Variants in NOS1AP observed in about 807,000 individuals in gnomAD.
The protein encoded by NOS1AP is nitric oxide synthase 1 adaptor protein, also known as carboxyl-terminal PDZ ligand of neuronal nitric oxide synthase protein.
NOS1AP carries 21 observed loss-of-function variants against 56.2 expected under a neutral mutation model. That is an observed-to-expected ratio of 0.37 (90% confidence interval 0.26 to 0.54). The LOEUF (loss-of-function observed/expected upper bound fraction) is 0.54. Among genes scored for constraint, NOS1AP ranks in the 20% least tolerant of loss-of-function variants. The pLI, the probability that NOS1AP is intolerant of heterozygous loss-of-function variation, is 0.84. For missense variants in NOS1AP, 522 were observed against 657.8 expected, an observed-to-expected ratio of 0.79 and a Z score of 2.26; for synonymous variants, 270 against 274.6, an observed-to-expected ratio of 0.98 and a Z score of 0.17.
chr1:162,288,144 G>A (rs1379127996), intron 3 of NOS1AP, among the ~76,000 whole-genome samples: 2 of 152,208 alleles, frequency 1.3e-5, no homozygotes, highest in East Asian at 1.9e-4. Flanking sequence ...TTCGTATGGT[G>A]GGAGGATGGG....
At chr1:162,240,431 C>G (rs771400186) in intron 2 of NOS1AP, among the ~76,000 whole-genome samples, 3 of 152,222 alleles carry the variant, frequency 2.0e-5, no homozygotes, top group Non-Finnish European at 2.9e-5. Flanking sequence ...CAAGCCCAGG[C>G]AAGCTCAGCA....
At chr1:162,243,081 C>G (rs1653541509) in intron 2 of NOS1AP, among the ~76,000 whole-genome samples, 3 of 152,192 alleles carry the variant, frequency 2.0e-5, no homozygotes, top group Admixed American at 6.5e-5. Flanking sequence ...CTACTGTTCT[C>G]AGTCTTCAAG....
intron 4 of NOS1AP, among the ~76,000 whole-genome samples, chr1:162,327,712 T>C (rs1191978740): frequency 4.6e-5 from 7 of 152,198 alleles, no homozygotes; most frequent in Non-Finnish European, 8.8e-5. Flanking sequence ...AAAAACATGA[T>C]CAGAGATGCT....
At chr1:162,139,037 A>C (rs1265365251) in intron 1 of NOS1AP, among the ~76,000 whole-genome samples, 1 of 152,302 alleles carries the variant, frequency 6.6e-6, no homozygotes, top group East Asian at 1.9e-4. Flanking sequence ...ACACCTGAGT[A>C]ACAAACCTCA....
chr1:162,294,147 A>G (rs532523338), intron 3 of NOS1AP, among the ~76,000 whole-genome samples: 1 of 147,974 alleles, frequency 6.8e-6, no homozygotes, highest in African/African-American at 2.6e-5. Context: ...AGTGCAAGAG[A>G]GAGGGGAAGA....
At chr1:162,346,427 T>C (rs1657296893) in intron 6 of NOS1AP, among the ~76,000 whole-genome samples, 1 of 143,330 alleles carries the variant, frequency 7.0e-6, no homozygotes, top group Non-Finnish European at 1.5e-5. Flanking sequence ...AAAGTCAAAG[T>C]TTAGAATTGT....
chr1:162,081,772 A>ATTTTTTTTTTTT (rs1457192130), intron 1 of NOS1AP, among the ~76,000 whole-genome samples: 1 of 29,980 alleles, frequency 3.3e-5, no homozygotes, highest in Non-Finnish European at 7.7e-5. Context: ...ATATATATAT[A>ATTTTTTTTTTTT]TATTTTTTTT....
chr1:162,105,721 C>G (rs768766666), intron 1 of NOS1AP, among the ~76,000 whole-genome samples: 2 of 152,224 alleles, frequency 1.3e-5, no homozygotes, highest in African/African-American at 2.4e-5. Flanking sequence ...GGGGAACCCT[C>G]CTTCTCTGGA....
chr1:162,215,204 A>T (rs1203832366), intron 2 of NOS1AP, among the ~76,000 whole-genome samples: 1 of 152,074 alleles, frequency 6.6e-6, no homozygotes, highest in African/African-American at 2.4e-5. Flanking sequence ...TGCCCTGAGC[A>T]CCCCTAGCCT....
At chr1:162,264,422 TCCC>T (rs1320411776) in intron 2 of NOS1AP, among the ~76,000 whole-genome samples, 1 of 2,722 alleles carries the variant, frequency 3.7e-4, no homozygotes, top group Non-Finnish European at 2.0e-3. Flanking sequence ...TCCCTTCTCT[TCCC>T]TTCTCTTCTC....
chr1:162,294,497 G>A (rs972601501), intron 3 of NOS1AP, among the ~76,000 whole-genome samples: 1 of 152,162 alleles, frequency 6.6e-6, no homozygotes, highest in Non-Finnish European at 1.5e-5. Flanking sequence ...GAGGTCTGTG[G>A]TGTACACTCT....
At chr1:162,258,828 A>G (rs1246794711) in intron 2 of NOS1AP, among the ~76,000 whole-genome samples, 1 of 152,196 alleles carries the variant, frequency 6.6e-6, no homozygotes, top group African/African-American at 2.4e-5. Context: ...ATCATTAAAT[A>G]TTGAGATTTA....
chr1:162,328,786 G>C (rs1466825038), intron 4 of NOS1AP, among the ~76,000 whole-genome samples: 1 of 152,184 alleles, frequency 6.6e-6, no homozygotes, highest in East Asian at 1.9e-4. Context: ...AAAATTTCCT[G>C]GTAACTAGAA....
chr1:162,205,323 G>T (rs998150434), intron 2 of NOS1AP, among the ~76,000 whole-genome samples: 2 of 152,212 alleles, frequency 1.3e-5, no homozygotes, highest in African/African-American at 4.8e-5. Context: ...ATGAAATCTT[G>T]CATTTGTTTT....
intron 2 of NOS1AP, among the ~76,000 whole-genome samples, chr1:162,254,781 G>A (rs192915649): frequency 3.9e-5 from 6 of 152,246 alleles, no homozygotes; most frequent in Admixed American, 3.3e-4. Flanking sequence ...TGGGAACAGG[G>A]CAATGCATTT....
chr1:162,070,408 T>A (rs1211866318), intron 1 of NOS1AP, 126 bp downstream of exon 1: 5 of 737,496 alleles, frequency 6.8e-6, no homozygotes, highest in Non-Finnish European at 1.2e-5. Context: ...GCCTTTCTCT[T>A]AGGGAGGGTA....
chr1:162,111,841 G>T (rs982317746), intron 1 of NOS1AP, among the ~76,000 whole-genome samples: 9 of 152,190 alleles, frequency 5.9e-5, no homozygotes, highest in Non-Finnish European at 1.3e-4. Context: ...AGTCAAGCCG[G>T]GTTAGTGTTG....
chr1:162,152,800 C>T (rs1190098311), intron 1 of NOS1AP, among the ~76,000 whole-genome samples: 1 of 152,204 alleles, frequency 6.6e-6, no homozygotes, highest in Non-Finnish European at 1.5e-5. Flanking sequence ...CAGGCCTCAG[C>T]TCCAAATTTC....
intron 4 of NOS1AP, among the ~76,000 whole-genome samples, chr1:162,312,677 G>A (rs1656081321): frequency 6.6e-6 from 1 of 151,566 alleles, no homozygotes. Context: ...GTCCTGAATG[G>A]TAATGCCTAG....
Sources: gnomAD v4.1 joint callset for allele counts (sites outside exome capture counted in the v4.1 genomes callset) on GRCh38, gnomAD v4.1.1 for gene constraint, MANE v1.5 for transcripts, NCBI Gene and HGNC (gene_info 2026-07-23, HGNC 2026-07-21) for gene names.